RIMS2: variants seen among roughly 807,000 people sequenced by gnomAD.
RIMS2 encodes regulating synaptic membrane exocytosis protein 2.
In RIMS2, 59 loss-of-function variants were observed where a neutral mutation model predicts 174.4. The ratio of observed to expected loss-of-function variants is 0.34; its 90% CI spans 0.27 to 0.42. The LOEUF is 0.42. Among genes scored for constraint, RIMS2 ranks in the 10% least tolerant of loss-of-function variants. The pLI is 1.00. For synonymous variants in RIMS2, 606 were observed against 572.5 expected, an observed-to-expected ratio of 1.06 and a Z score of -0.84; for missense variants, 1,620 against 1,666.3, an observed-to-expected ratio of 0.97 and a Z score of 0.48.
intron 8 of RIMS2, among the ~76,000 whole-genome samples, chr8:103,916,907 G>A (rs560159952): frequency 1.3e-5 from 2 of 152,080 alleles, no homozygotes; most frequent in Non-Finnish European, 2.9e-5. Context: ...AGGGCCAAAG[G>A]ACATACAATT....
intron 3 of RIMS2, among the ~76,000 whole-genome samples, chr8:103,782,540 G>A (rs2098401860): frequency 6.6e-6 from 1 of 151,862 alleles, no homozygotes; most frequent in African/African-American, 2.4e-5. Flanking sequence ...CTTGGTTAAA[G>A]AATGTATGCA....
chr8:103,619,565 T>C (rs1299114394), intron 1 of RIMS2, among the ~76,000 whole-genome samples: 1 of 152,068 alleles, frequency 6.6e-6, no homozygotes, highest in African/African-American at 2.4e-5. Flanking sequence ...GCATTCAAGG[T>C]TGGTAAACAG....
At chr8:103,948,791 A>G (rs1334471813) in intron 14 of RIMS2, among the ~76,000 whole-genome samples, 3 of 152,096 alleles carry the variant, frequency 2.0e-5, no homozygotes, top group African/African-American at 4.8e-5. Context: ...TCTGAACTGT[A>G]TACTTAAAAC....
At chr8:103,776,511 T>G (rs2098318513) in intron 3 of RIMS2, among the ~76,000 whole-genome samples, 1 of 152,118 alleles carries the variant, frequency 6.6e-6, no homozygotes, top group South Asian at 2.1e-4. Context: ...TCTCCAGTGG[T>G]TTTGTCATTT....
At position 104,133,226 on chromosome 8, in the gene RIMS2, T is replaced by C. The variant is rs375408141; in HGVS notation, c.3335-111690T>C. 2.6e-5 allele frequency among the ~76,000 whole-genome samples: 4 copies of C among 152,152 alleles called. No individual in the cohort carries two copies. The East Asian group carries it at 7.7e-4, about 29-fold the overall frequency. On this transcript the variant is annotated intron_variant, in intron 19 of 23. Coordinates refer to ENST00000504942, the Ensembl canonical transcript of RIMS2. ...TGAGTTGGAGAAGAGCTTGACATTT[T>C]TGAGAAATTTAGAAAAGGCCACTGT...
At chr8:103,545,457 G>C (rs1844574118) in intron 1 of RIMS2, among the ~76,000 whole-genome samples, 1 of 152,164 alleles carries the variant, frequency 6.6e-6, no homozygotes, top group Admixed American at 6.5e-5. Context: ...CATATTTGAG[G>C]CTATCATTCA....
chr8:103,850,377 A>G (rs1365115051), intron 3 of RIMS2, among the ~76,000 whole-genome samples: 4 of 152,106 alleles, frequency 2.6e-5, no homozygotes, highest in Admixed American at 6.6e-5. Flanking sequence ...TAAATTGTCA[A>G]ACAAAATTCT....
chr8:103,602,708 T>C (rs1020884090), intron 1 of RIMS2, among the ~76,000 whole-genome samples: 1 of 152,240 alleles, frequency 6.6e-6, no homozygotes, highest in Non-Finnish European at 1.5e-5. Context: ...GTATCATTGA[T>C]GCACATTTGG....
chr8:104,213,889 AAG>A (rs1491448403), intron 19 of RIMS2, among the ~76,000 whole-genome samples: 2,112 of 113,746 alleles, frequency 0.019, 33 homozygotes, highest in African/African-American at 0.058. Context: ...AAAAAAAAAA[AAG>A]AAGAAGAAGA....
chr8:103,933,164 G>T (rs1021189614), intron 12 of RIMS2, among the ~76,000 whole-genome samples: 10 of 152,070 alleles, frequency 6.6e-5, no homozygotes, highest in African/African-American at 2.2e-4. Flanking sequence ...GTGGTGGCAG[G>T]TGCCTATAGT....
intron 3 of RIMS2, among the ~76,000 whole-genome samples, chr8:103,864,399 G>A (rs77547308): frequency 0.16 from 23,965 of 152,048 alleles, 1,994 homozygotes; most frequent in Middle Eastern, 0.24. Flanking sequence ...TTCTCAAAAA[G>A]TTGATTTCTG....
chr8:104,249,667 C>T (rs1455375245), intron 22 of RIMS2, 79 bp downstream of exon 28: 1 of 802,144 alleles, frequency 1.2e-6, no homozygotes, highest in East Asian at 2.6e-5. Flanking sequence ...TTGGTTTAGA[C>T]CTTTGATTTA....
chr8:103,863,180 G>A (rs1418582401), intron 3 of RIMS2, among the ~76,000 whole-genome samples: 1 of 152,102 alleles, frequency 6.6e-6, no homozygotes, highest in African/African-American at 2.4e-5. Context: ...ATGAAGGGAT[G>A]TTGGATTTTG....
In RIMS2 at chr8:104,244,457, C is replaced by G. The variant is rs2099319732; in HGVS notation, c.3335-459C>G. 2.0e-5 allele frequency among the ~76,000 whole-genome samples: 3 copies of G among 152,114 alleles called. No individual in the cohort carries two copies. In the South Asian group the frequency reaches 6.2e-4, roughly 31 times the overall value. On this transcript the variant is annotated intron_variant, in intron 19 of 23. Coordinates refer to ENST00000504942, the Ensembl canonical transcript of RIMS2. ...CTGGAATTTGAGGATTACTCACCATCTGTTTCTTTGTAAATTGTGTGAAGG... is the reference window on the plus strand; with the variant it reads ...CTGGAATTTGAGGATTACTCACCATGTGTTTCTTTGTAAATTGTGTGAAGG...
At chr8:103,707,326 C>G (rs1305831725) in intron 2 of RIMS2, among the ~76,000 whole-genome samples, 3 of 152,140 alleles carry the variant, frequency 2.0e-5, no homozygotes, top group African/African-American at 7.2e-5. Context: ...GTTCTTGATG[C>G]TTGTGTATGT....
At chr8:104,218,479 AG>A (rs1274129278) in intron 19 of RIMS2, among the ~76,000 whole-genome samples, 20 of 152,312 alleles carry the variant, frequency 1.3e-4, no homozygotes, top group Admixed American at 1.2e-3. Context: ...GGATGGTTTC[AG>A]GATGATTCAA....
At chr8:103,818,846 GGC>G (rs2098734088) in intron 3 of RIMS2, among the ~76,000 whole-genome samples, 1 of 151,946 alleles carries the variant, frequency 6.6e-6, no homozygotes, top group Non-Finnish European at 1.5e-5. Context: ...TTAGAAATAT[GGC>G]ATTTTAAATG....
At chr8:103,558,614 A>C (rs913116302) in intron 1 of RIMS2, among the ~76,000 whole-genome samples, 1 of 152,004 alleles carries the variant, frequency 6.6e-6, no homozygotes, top group African/African-American at 2.4e-5. Flanking sequence ...ATTTACTGGA[A>C]TTCTTGGGAT....
chr8:103,666,905 A>C (rs2096677103), intron 1 of RIMS2, among the ~76,000 whole-genome samples: 1 of 152,192 alleles, frequency 6.6e-6, no homozygotes, highest in Non-Finnish European at 1.5e-5. Flanking sequence ...TCTCATAATC[A>C]TGCATTTCTT....
Sources: allele counts gnomAD v4.1 joint callset (sites outside exome capture counted in the v4.1 genomes callset), GRCh38; gene constraint gnomAD v4.1.1; transcripts MANE v1.5; gene names NCBI Gene and HGNC (gene_info 2026-07-23, HGNC 2026-07-21).